The following GPC5 variants were observed in gnomAD, a reference collection of about 807,000 sequenced individuals.
GPC5 encodes glypican-5.
In GPC5, 47 loss-of-function variants were observed where a neutral mutation model predicts 53.9. That is an observed-to-expected ratio of 0.87 (90% confidence interval 0.69 to 1.11). GPC5 has a LOEUF of 1.11. Among genes scored for constraint, GPC5 ranks in the 50% most tolerant of loss-of-function variants. GPC5 has a pLI of 0.00. For missense variants in GPC5, 748 were observed against 713.1 expected, an observed-to-expected ratio of 1.05 and a Z score of -0.56; for synonymous variants, 286 against 263.3, an observed-to-expected ratio of 1.09 and a Z score of -0.84.
intron 2 of GPC5, among the ~76,000 whole-genome samples, chr13:91,485,084 C>A (rs1262818324): frequency 2.0e-5 from 3 of 152,224 alleles, no homozygotes; most frequent in Non-Finnish European, 4.4e-5. Flanking sequence ...TCAGAGTTTT[C>A]ATGTTAACAA....
intron 7 of GPC5, among the ~76,000 whole-genome samples, chr13:92,634,729 T>C (rs530435090): frequency 9.9e-5 from 15 of 152,168 alleles, no homozygotes; most frequent in Admixed American, 3.3e-4. Context: ...TTCTTTCTTA[T>C]CTCTCATTGC....
chr13:92,702,445 A>G (rs111659089), intron 7 of GPC5, among the ~76,000 whole-genome samples: 12 of 152,158 alleles, frequency 7.9e-5, no homozygotes, highest in African/African-American at 2.6e-4. Context: ...CCTTCCTTTC[A>G]AACTAAGTAA....
chr13:92,746,030 A>G (rs1295830360), intron 7 of GPC5, among the ~76,000 whole-genome samples: 5 of 152,102 alleles, frequency 3.3e-5, no homozygotes, highest in Non-Finnish European at 7.4e-5. Flanking sequence ...TCAATTAGCT[A>G]TATCTAATCA....
intron 7 of GPC5, among the ~76,000 whole-genome samples, chr13:92,800,329 A>G (rs1181973884): frequency 6.6e-6 from 1 of 151,850 alleles, no homozygotes; most frequent in Non-Finnish European, 1.5e-5. Context: ...GAGACTATGA[A>G]GGTCATTTTA....
intron 6 of GPC5, among the ~76,000 whole-genome samples, chr13:91,980,267 A>G (rs752509977): frequency 3.9e-5 from 6 of 152,196 alleles, no homozygotes; most frequent in Non-Finnish European, 8.8e-5. Flanking sequence ...CACTTAGATT[A>G]GCTATGTCAC....
chr13:92,083,671 G>T (rs981665483), intron 6 of GPC5, among the ~76,000 whole-genome samples: 6 of 152,176 alleles, frequency 3.9e-5, no homozygotes, highest in African/African-American at 1.4e-4. Flanking sequence ...ATAATAGAAT[G>T]ATTTACATTC....
At chr13:92,017,722 C>T (rs942052062) in intron 6 of GPC5, among the ~76,000 whole-genome samples, 28 of 152,026 alleles carry the variant, frequency 1.8e-4, no homozygotes, top group Non-Finnish European at 4.4e-5. Context: ...CACAAGTACA[C>T]ACACACATGC....
chr13:92,368,054 G>A (rs907019113), intron 7 of GPC5, among the ~76,000 whole-genome samples: 7 of 151,996 alleles, frequency 4.6e-5, no homozygotes, highest in Non-Finnish European at 8.8e-5. Context: ...GCATGATCTC[G>A]GCTCACTGCA....
intron 7 of GPC5, among the ~76,000 whole-genome samples, chr13:92,548,550 C>T (rs4238303): frequency 0.43 from 64,962 of 151,678 alleles, 14,599 homozygotes; most frequent in African/African-American, 0.56. Flanking sequence ...CACACAAGAG[C>T]TTTAAAAATT....
chr13:92,385,437 CATATATACATATATACAT>C lies in GPC5; in HGVS notation c.1561+240454_1561+240471del, dbSNP rs1566567465. On this transcript the variant is annotated intron_variant, in intron 7 of 7. Coordinates refer to ENST00000377067, the MANE Select transcript of GPC5 (RefSeq NM_004466.6). ...ATATATATACATATATACATATATA[CATATATACATATATACAT>C]ATATACACATATATACATATATACA... 4.8e-4 allele frequency among the ~76,000 whole-genome samples: 31 copies of C among 64,064 alleles called. 1 individual carries two copies. Among genetic ancestry groups the C allele is most frequent in the African/African-American group, 1.9e-3 (31 of 16,178 alleles). The allele number at this position is 64,064 out of a possible 152,430, so 42.0% of individuals were successfully genotyped here.
intron 6 of GPC5, among the ~76,000 whole-genome samples, chr13:91,922,147 C>T (rs1352726699): frequency 6.6e-6 from 1 of 152,066 alleles, no homozygotes; most frequent in Admixed American, 6.5e-5. Flanking sequence ...AAAGTTAATT[C>T]CAGAGCAATT....
At position 91,693,751 on chromosome 13, in the gene GPC5, G is replaced by A. The variant is rs199511868; in HGVS notation, c.890G>A (p.Arg297Gln). The change falls in exon 3 of 8, where the codon CGG becomes CAG. Residue 297 changes from arginine to glutamine, a missense_variant. Physicochemically the swap from Arg to Gln is conservative, Grantham distance 43. Transcript: ENST00000377067. ...ELNPHWHAYI[R>Q]SLEELSDAMH... ...AATCCACACTGGCATGCATATATCC[G>A]GTCGTTGGAAGAACTCTCGGATGCA... The A allele has an allele frequency of 1.0e-4, 161 of 1,613,986 alleles. No homozygotes were observed. The highest frequency in any genetic ancestry group is 3.6e-4 in the African/African-American group (27 of 74,918).
intron 7 of GPC5, among the ~76,000 whole-genome samples, chr13:92,610,368 T>C (rs1220215964): frequency 1.3e-5 from 2 of 152,170 alleles, no homozygotes; most frequent in African/African-American, 4.8e-5. Flanking sequence ...GACATATTGA[T>C]AATAGTTTAT....
At chr13:91,742,924 CATGGCTAGAA>C (rs1232307411) in intron 4 of GPC5, among the ~76,000 whole-genome samples, 1 of 152,120 alleles carries the variant, frequency 6.6e-6, no homozygotes, top group African/African-American at 2.4e-5. Context: ...TAGCCATAGA[CATGGCTAGAA>C]ATTGGACAGT....
chr13:92,176,390 C>T (rs558279563), intron 7 of GPC5, among the ~76,000 whole-genome samples: 9 of 152,232 alleles, frequency 5.9e-5, no homozygotes, highest in South Asian at 4.1e-4. Context: ...GGGACAAGGA[C>T]GAGAAGTAAG....
chr13:92,280,353 A>C (rs902557426), intron 7 of GPC5, among the ~76,000 whole-genome samples: 2 of 152,084 alleles, frequency 1.3e-5, no homozygotes, highest in East Asian at 3.9e-4. Context: ...TCTTTGATTT[A>C]TCTCTTCTCT....
At chr13:91,462,536 A>G (rs1000104285) in intron 2 of GPC5, among the ~76,000 whole-genome samples, 1 of 152,130 alleles carries the variant, frequency 6.6e-6, no homozygotes, top group African/African-American at 2.4e-5. Flanking sequence ...AAAATTATCT[A>G]TTGGATAACT....
chr13:92,445,017 AAAT>A (rs1481299934), intron 7 of GPC5, among the ~76,000 whole-genome samples: 1 of 152,110 alleles, frequency 6.6e-6, no homozygotes, highest in Non-Finnish European at 1.5e-5. Context: ...AAGATTTATA[AAAT>A]TATGTATAAT....
intron 7 of GPC5, among the ~76,000 whole-genome samples, chr13:92,275,581 G>C (rs556934558): frequency 5.9e-5 from 9 of 152,156 alleles, no homozygotes; most frequent in Non-Finnish European, 1.2e-4. Context: ...TGTTTTATTT[G>C]TGATTTCTTC....
Sources: allele counts gnomAD v4.1 joint callset (sites outside exome capture counted in the v4.1 genomes callset), GRCh38; gene constraint gnomAD v4.1.1; transcripts MANE v1.5; gene names NCBI Gene and HGNC (gene_info 2026-07-23, HGNC 2026-07-21).